FARP1: variants seen among roughly 807,000 people sequenced by gnomAD.
The protein encoded by FARP1 is FERM, ARHGEF and pleckstrin domain-containing protein 1.
In FARP1, 52 loss-of-function variants were observed where a neutral mutation model predicts 128.8. The observed-to-expected ratio is 0.40, with a 90% CI of 0.32 to 0.51. The LOEUF (loss-of-function observed/expected upper bound fraction) is 0.51. Among genes scored for constraint, FARP1 ranks in the 20% least tolerant of loss-of-function variants. The pLI is 0.45. For missense variants in FARP1, 1,333 were observed against 1,367.9 expected (o/e 0.97, Z 0.40); for synonymous variants, 580 against 551.8 (o/e 1.05, Z -0.72).
intron 1 of FARP1, among the ~76,000 whole-genome samples, chr13:98,152,505 G>C (rs1347359607): frequency 6.6e-6 from 1 of 152,168 alleles, no homozygotes; most frequent in Non-Finnish European, 1.5e-5. Context: ...GAGGGTGACA[G>C]AGCTGAAAGT....
chr13:98,437,722 T>C, intron 19 of FARP1: 1 of 951,200 alleles, frequency 1.1e-6, no homozygotes, highest in African/African-American at 1.6e-5. Flanking sequence ...CAGACCTGTA[T>C]AGCTTCTCCG....
At chr13:98,223,325 TTTTGTTTG>T (rs756735059) in intron 2 of FARP1, among the ~76,000 whole-genome samples, 4 of 152,248 alleles carry the variant, frequency 2.6e-5, no homozygotes, top group East Asian at 1.9e-4. Context: ...AGGCATTTCT[TTTTGTTTG>T]TTTGTTTGTT....
At chr13:98,205,980 A>C (rs1395836867) in intron 1 of FARP1, among the ~76,000 whole-genome samples, 1 of 152,166 alleles carries the variant, frequency 6.6e-6, no homozygotes, top group Non-Finnish European at 1.5e-5. Flanking sequence ...GTTTGGACAA[A>C]GCTTTAATCT....
chr13:98,147,208 G>A (rs1395546262), intron 1 of FARP1, among the ~76,000 whole-genome samples: 1 of 152,152 alleles, frequency 6.6e-6, no homozygotes, highest in Non-Finnish European at 1.5e-5. Context: ...AGTGGATAAT[G>A]GATACATTAC....
chr13:98,246,112 T>C (rs1408595046), intron 2 of FARP1, among the ~76,000 whole-genome samples: 303 of 84,416 alleles, frequency 3.6e-3, no homozygotes, highest in African/African-American at 0.014. Context: ...TTTTTTTTTT[T>C]TTGAGACGGA....
At chr13:98,336,459 A>G (rs2127780) in intron 2 of FARP1, among the ~76,000 whole-genome samples, 2,850 of 152,036 alleles carry the variant, frequency 0.019, 96 homozygotes, top group African/African-American at 0.066. Context: ...TTTAGTAGAG[A>G]TGGGGTTTTG....
chr13:98,294,508 C>A (rs1202768423), intron 2 of FARP1, among the ~76,000 whole-genome samples: 1 of 152,166 alleles, frequency 6.6e-6, no homozygotes, highest in Non-Finnish European at 1.5e-5. Context: ...TAAAAACACA[C>A]TTGTGAGGTG....
chr13:98,395,389 G>A lies in FARP1; in HGVS notation c.1327G>A (p.Ala443Thr). ...SPAGNKQADG[A>T]ASAPTEEEEE... Reference sequence around the variant, plus strand: ...CGCGGGTAACAAGCAGGCGGACGGAGCCGCCTCGGCGCCCACGGAGGAAGA... The same window carrying A: ...CGCGGGTAACAAGCAGGCGGACGGAACCGCCTCGGCGCCCACGGAGGAAGA... Residue 443 changes from alanine (A) to threonine (T), a missense_variant, in exon 13 of 27, where the codon GCC becomes ACC. By Grantham distance (58) the Ala-to-Thr change is moderately conservative. Coordinates refer to ENST00000319562, the MANE Select transcript of FARP1 (RefSeq NM_005766.4). 2 of 1,611,786 alleles carry A rather than the reference G, an allele frequency of 1.2e-6. No individual in the cohort carries two copies. Among genetic ancestry groups the A allele is most frequent in the Non-Finnish European group, 8.5e-7 (1 of 1,179,100 alleles).
intron 1 of FARP1, among the ~76,000 whole-genome samples, chr13:98,170,341 G>A (rs2139161270): frequency 6.7e-6 from 1 of 149,212 alleles, no homozygotes; most frequent in Middle Eastern, 3.6e-3. Context: ...GCGCCACCAT[G>A]CCTGGCTAAT....
Position 98,176,274 on chromosome 13 carries a change from GC to G in FARP1, c.-24+32787del. 2.5e-6 allele frequency: 4 copies of G among 1,611,530 alleles called. No individual in the cohort carries two copies. Among genetic ancestry groups the G allele is most frequent in the Non-Finnish European group, 3.4e-6 (4 of 1,178,200 alleles). On this transcript the variant is annotated intron_variant, in intron 1 of 26. Coordinates refer to ENST00000319562, the MANE Select transcript of FARP1 (RefSeq NM_005766.4). The surrounding 1 kb of genome is among the most constrained non-coding windows in gnomAD (Gnocchi z 6.2). ...GGGGGTCTTCTGTGAAATGGGACTT[GC>G]CCCCACCTTCTGCAGCCTGAAGCTT...
intron 2 of FARP1, among the ~76,000 whole-genome samples, chr13:98,331,031 C>A (rs546439041): frequency 6.6e-6 from 1 of 152,294 alleles, no homozygotes; most frequent in Non-Finnish European, 1.5e-5. Context: ...GGCCATCGAT[C>A]AGCATCCCTT....
chr13:98,209,107 C>T (rs1880490022), intron 1 of FARP1, among the ~76,000 whole-genome samples: 1 of 152,164 alleles, frequency 6.6e-6, no homozygotes, highest in Non-Finnish European at 1.5e-5. Flanking sequence ...CTCCCGGGTT[C>T]ACGCCATTCT....
chr13:98,301,941 C>A (rs772216947), intron 2 of FARP1, among the ~76,000 whole-genome samples: 2 of 149,436 alleles, frequency 1.3e-5, no homozygotes, highest in Non-Finnish European at 3.0e-5. Context: ...ATCATCCTGT[C>A]TGTCGACTTT....
At chr13:98,153,405 T>G (rs1371473229) in intron 1 of FARP1, among the ~76,000 whole-genome samples, 2 of 85,108 alleles carry the variant, frequency 2.3e-5, no homozygotes, top group Admixed American at 1.6e-4. Flanking sequence ...ACATTATATA[T>G]AAATATGTAT....
chr13:98,173,020 C>T (rs1877760800), intron 1 of FARP1, among the ~76,000 whole-genome samples: 1 of 152,174 alleles, frequency 6.6e-6, no homozygotes, highest in South Asian at 2.1e-4. Flanking sequence ...AATACGCATT[C>T]TGGTTGCTTC....
intron 2 of FARP1, among the ~76,000 whole-genome samples, chr13:98,241,150 T>G (rs1251275120): frequency 6.6e-6 from 1 of 152,162 alleles, no homozygotes. Flanking sequence ...AAACTGGCCC[T>G]GGGAAGAGTC....
intron 3 of FARP1, among the ~76,000 whole-genome samples, chr13:98,348,976 C>T (rs1318040810): frequency 6.6e-6 from 1 of 152,230 alleles, no homozygotes; most frequent in African/African-American, 2.4e-5. Flanking sequence ...AGCTAAAGCT[C>T]ATGTTCTGTA....
intron 2 of FARP1, among the ~76,000 whole-genome samples, chr13:98,267,183 C>T (rs1226319740): frequency 6.6e-6 from 1 of 152,196 alleles, no homozygotes; most frequent in Non-Finnish European, 1.5e-5. Flanking sequence ...CTTAAAGATA[C>T]ACTCACACTC....
intron 2 of FARP1, among the ~76,000 whole-genome samples, chr13:98,277,924 AGC>A (rs1884735540): frequency 1.2e-5 from 1 of 83,884 alleles, no homozygotes; most frequent in African/African-American, 6.6e-5. Context: ...TCTATTGTGC[AGC>A]GAGGGTCAAA....
Sources: gnomAD v4.1 joint callset for allele counts (sites outside exome capture counted in the v4.1 genomes callset) on GRCh38, gnomAD v4.1.1 for gene constraint, Gnocchi (gnomAD v3.1) non-coding constraint, MANE v1.5 for transcripts, NCBI Gene and HGNC (gene_info 2026-07-23, HGNC 2026-07-21) for gene names.